The following PCDHGA2 variants were observed in gnomAD, a reference collection of about 807,000 sequenced individuals.
The protein encoded by PCDHGA2 is protocadherin gamma-A2.
PCDHGA2 carries 40 observed loss-of-function variants against 59.2 expected under a neutral mutation model. The observed-to-expected ratio is 0.68, with a 90% confidence interval of 0.52 to 0.88. The LOEUF (loss-of-function observed/expected upper bound fraction) is 0.88, where lower values mean the gene tolerates loss of function less well. PCDHGA2 is among the 40% of genes least tolerant of loss of function. PCDHGA2 has a pLI of 0.00. For synonymous variants in PCDHGA2, 560 were observed against 526.0 expected (o/e 1.06, Z -0.89); for missense variants, 1,226 against 1,204.0 (o/e 1.02, Z -0.27).
chr5:141,427,652 G>T, intron 1 of PCDHGA2: 1 of 721,166 alleles, frequency 1.4e-6, no homozygotes, highest in Non-Finnish European at 2.5e-6. Flanking sequence ...TCTCCTACGT[G>T]GTCCACGTGG....
rs912402706 is a variant in PCDHGA2, at chr5:141,362,030, T to G, written c.2424+20635T>G. On this transcript the variant is annotated intron_variant, in intron 1 of 3. Coordinates refer to ENST00000394576, the MANE Select transcript of PCDHGA2 (RefSeq NM_018915.4). ...GGTGAGGTGCGCACAGCGCGTGCCTTGGGCGACAGGGACGCGGCCCGCCAG... is the reference window on the plus strand; with the variant it reads ...GGTGAGGTGCGCACAGCGCGTGCCTGGGGCGACAGGGACGCGGCCCGCCAG... 6 of 1,608,644 alleles carry G rather than the reference T, an allele frequency of 3.7e-6. No individual in the cohort carries two copies. In the African/African-American group the frequency reaches 5.3e-5, roughly 14 times the overall value.
At chr5:141,375,071 A>T in intron 1 of PCDHGA2, 1 of 1,614,046 alleles carries the variant, frequency 6.2e-7, no homozygotes, top group Non-Finnish European at 8.5e-7. Context: ...TCTTCGAGAC[A>T]GAGCGAAAGT....
At chr5:141,426,702 C>CA (rs1187798274) in intron 1 of PCDHGA2, 1 of 439,184 alleles carries the variant, frequency 2.3e-6, no homozygotes, top group Admixed American at 2.4e-5. Context: ...CATTGTTTTA[C>CA]AAATCAATGA....
chr5:141,400,319 C>G (rs762588918), intron 1 of PCDHGA2: 1 of 1,613,974 alleles, frequency 6.2e-7, no homozygotes, highest in African/African-American at 1.3e-5. Context: ...TGTGTCAAGT[C>G]TGGACCTGTG....
intron 1 of PCDHGA2, among the ~76,000 whole-genome samples, chr5:141,358,120 G>T (rs1004633411): frequency 5.9e-5 from 9 of 152,162 alleles, no homozygotes; most frequent in Non-Finnish European, 1.3e-4. Flanking sequence ...AACCTGGGAG[G>T]CAGAGGTTGC....
intron 1 of PCDHGA2, among the ~76,000 whole-genome samples, chr5:141,454,626 G>A (rs1206050863): frequency 6.6e-6 from 1 of 151,304 alleles, no homozygotes; most frequent in African/African-American, 2.4e-5. Flanking sequence ...GGCTGGTCTC[G>A]AACCCCCAAC....
At position 141,339,835 on chromosome 5, in the gene PCDHGA2, C is replaced by T. The variant is rs1756882447; in HGVS notation, c.864C>T (p.Thr288=). The T allele has an allele frequency of 1.2e-6, 2 of 1,614,062 alleles. No homozygotes were observed. The highest frequency in any genetic ancestry group is 1.7e-6 in the Non-Finnish European group (2 of 1,180,028). ...TTCTAGAGAAAAGCCCTGGAGAAACCTCAGAGGTATTTGAGCTTAAGTCAA... is the reference window on the plus strand; with the variant it reads ...TTCTAGAGAAAAGCCCTGGAGAAACTTCAGAGGTATTTGAGCTTAAGTCAA... The part of the protein sequence containing the change: ...VYFLEKSPGE[T]SEVFELKSTS... The change falls in exon 1 of 4, where the codon ACC becomes ACT. Residue 288 remains threonine, a synonymous_variant. Coordinates refer to ENST00000394576, the MANE Select transcript of PCDHGA2 (RefSeq NM_018915.4).
intron 1 of PCDHGA2, among the ~76,000 whole-genome samples, chr5:141,445,332 A>G (rs1364481039): frequency 1.4e-4 from 22 of 152,140 alleles, no homozygotes; most frequent in Admixed American, 1.4e-3. Context: ...CCATCCAGAA[A>G]CAGTAAACAT....
chr5:141,341,403 A>G lies in PCDHGA2; in HGVS notation c.2424+8A>G, dbSNP rs775566952. 4 of 1,614,170 alleles carry G rather than the reference A, an allele frequency of 2.5e-6. No individual in the cohort carries two copies. Among genetic ancestry groups the G allele is most frequent in the Non-Finnish European group, 3.4e-6 (4 of 1,180,024 alleles). On this transcript the variant is annotated splice_region_variant and intron_variant, in intron 1 of 3. Coordinates refer to ENST00000394576, the MANE Select transcript of PCDHGA2 (RefSeq NM_018915.4). Reference sequence around the variant, plus strand: ...GAAGAAACGTTTTCTCAGGTAATCTATCTTTTCACAACATACGTACTAGCT... The same window carrying G: ...GAAGAAACGTTTTCTCAGGTAATCTGTCTTTTCACAACATACGTACTAGCT...
chr5:141,401,623 T>A (rs1418194568), intron 1 of PCDHGA2, among the ~76,000 whole-genome samples: 1 of 152,230 alleles, frequency 6.6e-6, no homozygotes, highest in African/African-American at 2.4e-5. Flanking sequence ...GGATTTGTCT[T>A]ATCGTTTGGA....
At chr5:141,479,633 T>TAACAAC (rs749744124) in intron 1 of PCDHGA2, 1 of 152,114 alleles carries the variant, frequency 6.6e-6, no homozygotes, top group Admixed American at 6.5e-5. Flanking sequence ...TCTTTAACAA[T>TAACAAC]AACAACAACA....
At chr5:141,405,422 GTT>G in intron 1 of PCDHGA2, 2 of 1,509,830 alleles carry the variant, frequency 1.3e-6, no homozygotes, top group Non-Finnish European at 1.8e-6. Context: ...TTTGTTTTTT[GTT>G]TTGTTTTGTT....
chr5:141,365,569 A>G, intron 1 of PCDHGA2: 1 of 1,613,722 alleles, frequency 6.2e-7, no homozygotes, highest in Non-Finnish European at 8.5e-7. Context: ...TGGACAGAGA[A>G]GAGACTTCAG....
At chr5:141,370,997 C>G in intron 1 of PCDHGA2, 5 of 1,613,984 alleles carry the variant, frequency 3.1e-6, no homozygotes, top group Non-Finnish European at 4.2e-6. Context: ...CACCCCTGGA[C>G]AGGGAAGAGC....
chr5:141,458,513 GT>G (rs537551567), intron 1 of PCDHGA2, among the ~76,000 whole-genome samples: 34 of 146,056 alleles, frequency 2.3e-4, no homozygotes, highest in South Asian at 6.5e-4. Flanking sequence ...TTGACACTTT[GT>G]TTTTTTTTTT....
Position 141,485,597 on chromosome 5 carries a change from A to G in PCDHGA2, c.2425-9210A>G. On this transcript the variant is annotated intron_variant, in intron 1 of 3. Coordinates refer to ENST00000394576, the MANE Select transcript of PCDHGA2 (RefSeq NM_018915.4). This position sits in a 1 kb window ranked among gnomAD's most constrained non-coding sequence, Gnocchi z 5.7. ...TCCGCGGCAGCAGCTGGACTTGGAA[A>G]TTGGGGAGGCAGCTCCTCCAGGACA... The G allele has an allele frequency of 6.2e-7, 1 of 1,612,468 alleles. No homozygotes were observed. The highest frequency in any genetic ancestry group is 8.5e-7 in the Non-Finnish European group (1 of 1,178,718).
intron 1 of PCDHGA2, among the ~76,000 whole-genome samples, chr5:141,380,521 A>G (rs1183307813): frequency 1.3e-5 from 2 of 152,218 alleles, no homozygotes; most frequent in South Asian, 4.1e-4. Flanking sequence ...TAAACTATGA[A>G]ATGATTTCAA....
At chr5:141,385,542 A>T (rs3763123) in intron 1 of PCDHGA2, 69,535 of 1,326,660 alleles carry the variant, frequency 0.052, 2,028 homozygotes, top group African/African-American at 0.1. Flanking sequence ...GAATATGTGG[A>T]CTATCACATT....
At chr5:141,351,296 A>G (rs570292459) in intron 1 of PCDHGA2, 2 of 1,613,934 alleles carry the variant, frequency 1.2e-6, no homozygotes, top group Non-Finnish European at 1.7e-6. Flanking sequence ...GGTGACATTC[A>G]TGTCCTTCTC....
Sources: allele counts gnomAD v4.1 joint callset (sites outside exome capture counted in the v4.1 genomes callset), GRCh38; gene constraint gnomAD v4.1.1; non-coding constraint Gnocchi (gnomAD v3.1); transcripts MANE v1.5; gene names NCBI Gene and HGNC (gene_info 2026-07-23, HGNC 2026-07-21).